Variants in FIGN observed in about 807,000 individuals in gnomAD.
FIGN encodes the protein fidgetin.
In FIGN, 11 loss-of-function variants were observed where a neutral mutation model predicts 51.3. The observed-to-expected ratio is 0.21, with a 90% CI of 0.13 to 0.35. The LOEUF (loss-of-function observed/expected upper bound fraction) is 0.35. Ranked by LOEUF, FIGN falls within the 10% of genes least tolerant of loss-of-function variation. The probability of loss-of-function intolerance (pLI) is 1.00; values close to 1 mark genes in which losing one functional copy is unlikely to be tolerated. For missense variants in FIGN, 857 were observed against 943.6 expected (o/e 0.91, Z 1.20); for synonymous variants, 407 against 363.2 (o/e 1.12, Z -1.37).
chr2:163,680,752 C>T (rs1049777335), intron 2 of FIGN, among the ~76,000 whole-genome samples: 3 of 151,744 alleles, frequency 2.0e-5, no homozygotes, highest in Non-Finnish European at 2.9e-5. Flanking sequence ...CTTTGGGGCT[C>T]CCGGAGTCCA....
intron 2 of FIGN, among the ~76,000 whole-genome samples, chr2:163,621,596 C>T (rs1291631317): frequency 6.6e-6 from 1 of 152,120 alleles, no homozygotes; most frequent in Non-Finnish European, 1.5e-5. Context: ...CTCTTAGCAA[C>T]AGCAGTAGTT....
intron 2 of FIGN, among the ~76,000 whole-genome samples, chr2:163,616,219 G>T (rs1441154001): frequency 6.6e-6 from 1 of 151,926 alleles, no homozygotes; most frequent in Non-Finnish European, 1.5e-5. Context: ...AACTAGTTTC[G>T]AAACAAAACA....
At chr2:163,664,550 T>G (rs935269899) in intron 2 of FIGN, among the ~76,000 whole-genome samples, 7 of 152,244 alleles carry the variant, frequency 4.6e-5, no homozygotes, top group African/African-American at 1.7e-4. Flanking sequence ...TTAATTCTAC[T>G]GATTTTATTT....
intron 2 of FIGN, among the ~76,000 whole-genome samples, chr2:163,726,091 T>C (rs1413323431): frequency 6.6e-6 from 1 of 152,086 alleles, no homozygotes. Context: ...ATGTTTAAAA[T>C]CTTCCCACAG....
chr2:163,624,324 G>C (rs763509122), intron 2 of FIGN, among the ~76,000 whole-genome samples: 50 of 151,686 alleles, frequency 3.3e-4, no homozygotes, highest in Non-Finnish European at 6.0e-4. Flanking sequence ...GAATTGAAAG[G>C]TGAGCCTATT....
At chr2:163,709,823 C>G (rs1030603440) in intron 2 of FIGN, among the ~76,000 whole-genome samples, 12 of 152,052 alleles carry the variant, frequency 7.9e-5, no homozygotes, top group African/African-American at 2.9e-4. Context: ...GCAGGTCAAT[C>G]AATTTATTTT....
intron 2 of FIGN, among the ~76,000 whole-genome samples, chr2:163,622,379 G>A (rs1352949809): frequency 8.6e-5 from 13 of 151,776 alleles, no homozygotes; most frequent in Non-Finnish European, 1.9e-4. Flanking sequence ...TGTTTTTGGT[G>A]GAGTTAAAGG....
chr2:163,704,644 TCTCTCTCTCTCTCACACA>T (rs1684467373), intron 2 of FIGN, among the ~76,000 whole-genome samples: 1 of 131,892 alleles, frequency 7.6e-6, no homozygotes, highest in Admixed American at 7.7e-5. Context: ...TCTCTCTCTC[TCTCTCTCTCTCTCACACA>T]CACACACACA....
chr2:163,718,669 T>A (rs1236272209), intron 2 of FIGN, among the ~76,000 whole-genome samples: 1 of 152,218 alleles, frequency 6.6e-6, no homozygotes, highest in Non-Finnish European at 1.5e-5. Context: ...ATGAACTGTA[T>A]GGGTCCTTTG....
rs202072418 is a variant in FIGN at position 163,676,434 on chromosome 2, AATATATATAT to A, written c.25+58459_25+58468del. ...ATTAAAACATCTCATGGATTCCTGGAATATATATATATATATATATATATATATATATATA... is the reference window on the plus strand; with the variant it reads ...ATTAAAACATCTCATGGATTCCTGGAATATATATATATATATATATATATA... On this transcript the variant is annotated intron_variant, in intron 2 of 2. Coordinates refer to ENST00000333129, the MANE Select transcript of FIGN (RefSeq NM_018086.4). Among the ~76,000 whole-genome samples the A allele has an allele frequency of 4.5e-3, 296 of 65,860 alleles. 1 individual carries two copies. The highest frequency in any genetic ancestry group is 0.011 in the South Asian group (17 of 1,530). 43.2% of individuals were successfully genotyped at this position (65,860 alleles called of 152,430 possible).
intron 2 of FIGN, among the ~76,000 whole-genome samples, chr2:163,697,981 T>G (rs1035630548): frequency 3.7e-4 from 57 of 152,060 alleles, no homozygotes; most frequent in African/African-American, 1.4e-3. Context: ...AAAAGGGAGA[T>G]AGATGGAAAA....
intron 2 of FIGN, among the ~76,000 whole-genome samples, chr2:163,642,263 C>A (rs768598909): frequency 3.3e-5 from 5 of 152,160 alleles, no homozygotes; most frequent in Non-Finnish European, 5.9e-5. Context: ...ACCACTAGCA[C>A]CCTAGTGATT....
chr2:163,734,784 A>G, intron 2 of FIGN, 119 bp downstream of exon 2: 3 of 881,256 alleles, frequency 3.4e-6, no homozygotes, highest in South Asian at 2.0e-5. Flanking sequence ...ATTTTTTAAA[A>G]AAAGGAATTC....
At chr2:163,723,044 C>T (rs1250929591) in intron 2 of FIGN, among the ~76,000 whole-genome samples, 11 of 151,560 alleles carry the variant, frequency 7.3e-5, no homozygotes, top group South Asian at 2.1e-4. Flanking sequence ...AAAAATTAGC[C>T]GAGCGTGGTG....
In FIGN at chr2:163,607,802, C is replaced by T. The variant is rs979893683; in HGVS notation, c.*1750G>A. 1.3e-5 allele frequency: 2 copies of T among 152,640 alleles called. No individual in the cohort carries two copies. The highest frequency in any genetic ancestry group is 2.9e-5 in the Non-Finnish European group (2 of 68,046). The allele number at this position is 152,640 out of a possible 1,614,324, so 9.5% of individuals were successfully genotyped here. A position where few individuals can be genotyped will look rare whatever the true frequency, so the allele number is the denominator to read the frequency against. ...TGTTCTGCTTATGCATGGGCAGTGG[C>T]TGTGGAAAGCTACAGCCTGCTCTGT... On this transcript the variant is annotated 3_prime_UTR_variant, in exon 3 of 3. Transcript: ENST00000333129.
At chr2:163,649,781 G>C (rs760296224) in intron 2 of FIGN, among the ~76,000 whole-genome samples, 1 of 152,208 alleles carries the variant, frequency 6.6e-6, no homozygotes, top group Non-Finnish European at 1.5e-5. Flanking sequence ...AAAATGGCAC[G>C]AATAGTGAGT....
intron 2 of FIGN, among the ~76,000 whole-genome samples, chr2:163,733,391 C>A (rs537073361): frequency 6.6e-6 from 1 of 152,222 alleles, no homozygotes; most frequent in East Asian, 1.9e-4. Flanking sequence ...TCAAACCATC[C>A]AATTTCTGCT....
intron 2 of FIGN, among the ~76,000 whole-genome samples, chr2:163,700,514 A>G (rs1403192192): frequency 6.6e-6 from 1 of 152,190 alleles, no homozygotes; most frequent in African/African-American, 2.4e-5. Flanking sequence ...AGAACACATC[A>G]GCCTGGATGA....
intron 2 of FIGN, among the ~76,000 whole-genome samples, chr2:163,648,859 A>G (rs1434723776): frequency 1.3e-5 from 2 of 152,192 alleles, no homozygotes; most frequent in African/African-American, 2.4e-5. Context: ...TATGAAGAGG[A>G]TGTAAGAAGA....
Sources: allele counts gnomAD v4.1 joint callset (sites outside exome capture counted in the v4.1 genomes callset), GRCh38; gene constraint gnomAD v4.1.1; transcripts MANE v1.5; gene names NCBI Gene and HGNC (gene_info 2026-07-23, HGNC 2026-07-21).